The following SNAP91 variants were observed in gnomAD, a reference collection of about 807,000 sequenced individuals.
SNAP91 encodes the protein clathrin coat assembly protein AP180.
In SNAP91, 27 loss-of-function variants were observed where a neutral mutation model predicts 100.3. The ratio of observed to expected loss-of-function variants is 0.27; its 90% CI spans 0.20 to 0.37. SNAP91 has a LOEUF of 0.37. SNAP91 is among the 10% of genes least tolerant of loss of function. The pLI is 1.00. For synonymous variants in SNAP91, 404 were observed against 398.6 expected, an observed-to-expected ratio of 1.01 and a Z score of -0.16; for missense variants, 986 against 1,123.7, an observed-to-expected ratio of 0.88 and a Z score of 1.75.
At chr6:83,661,369 A>T in intron 5 of SNAP91, 133 bp downstream of exon 5, 1 of 547,366 alleles carries the variant, frequency 1.8e-6, no homozygotes, top group African/African-American at 1.9e-5. Context: ...AATATTATTG[A>T]GTTCCTTTTT....
At chr6:83,664,059 T>A (rs2098623927) in intron 3 of SNAP91, among the ~76,000 whole-genome samples, 1 of 152,038 alleles carries the variant, frequency 6.6e-6, no homozygotes, top group Non-Finnish European at 1.5e-5. Context: ...ATAGTATGGT[T>A]TACTGAATAT....
At chr6:83,587,496 AT>A (rs1303227009) in intron 22 of SNAP91, among the ~76,000 whole-genome samples, 1 of 151,186 alleles carries the variant, frequency 6.6e-6, no homozygotes, top group Non-Finnish European at 1.5e-5. Flanking sequence ...TCATTTATTT[AT>A]TTTTTTTTAA....
intron 9 of SNAP91, among the ~76,000 whole-genome samples, chr6:83,621,549 T>C (rs2096729534): frequency 6.6e-6 from 1 of 152,174 alleles, no homozygotes; most frequent in South Asian, 2.1e-4. Flanking sequence ...ATATAATGTT[T>C]CTGGGCTTCT....
intron 23 of SNAP91, 127 bp from the exon 24 acceptor site, chr6:83,580,726 G>C (rs1287976956): frequency 1.2e-6 from 1 of 844,960 alleles, no homozygotes; most frequent in Non-Finnish European, 1.8e-6. Context: ...AAGAAGGCAA[G>C]TAATTCACAC....
chr6:83,680,900 T>C (rs775111594), intron 2 of SNAP91, among the ~76,000 whole-genome samples: 6 of 152,124 alleles, frequency 3.9e-5, no homozygotes, highest in Non-Finnish European at 7.4e-5. Context: ...TGGGCTGCAG[T>C]AGGACCCCGG....
Position 83,659,107 on chromosome 6 carries a change from A to G in SNAP91, c.453-15T>C, listed in dbSNP as rs2098475112. On this transcript the variant is annotated splice_polypyrimidine_tract_variant and intron_variant, in intron 5 of 29. Transcript: ENST00000369694. Reference sequence around the variant, plus strand: ...CACCATCGGCCCTACAATTAAAAAAAAAAAAAAGGTACAATTTCATTGGAT... The same window carrying G: ...CACCATCGGCCCTACAATTAAAAAAGAAAAAAAGGTACAATTTCATTGGAT... The G allele has an allele frequency of 6.4e-7, 1 of 1,557,882 alleles. No homozygotes were observed. Among genetic ancestry groups the G allele is most frequent in the South Asian group, 1.2e-5 (1 of 84,200 alleles).
intron 10 of SNAP91, among the ~76,000 whole-genome samples, chr6:83,616,225 A>G (rs918090549): frequency 6.6e-6 from 1 of 152,180 alleles, no homozygotes; most frequent in Non-Finnish European, 1.5e-5. Context: ...AAGCAGGACA[A>G]GGAGGATGGG....
rs1583884000 is a variant in SNAP91, at chr6:83,560,999, A to C, written c.2443-52T>G. On this transcript the variant is annotated intron_variant, in intron 26 of 29. Transcript: ENST00000369694. ...ATAAATAACACAAAAACACACAAAC[A>C]CATGCACGACAATAAACAAACAAAA... 14 of 1,135,272 alleles carry C rather than the reference A, an allele frequency of 1.2e-5. No homozygotes were observed. The East Asian group carries it at 3.5e-4, about 28-fold the overall frequency. 70.3% of individuals were successfully genotyped at this position (1,135,272 alleles called of 1,614,324 possible). A position where few individuals can be genotyped will look rare whatever the true frequency, so the allele number is the denominator to read the frequency against.
At chr6:83,554,981 ATC>A (rs1775679909) in intron 29 of SNAP91, among the ~76,000 whole-genome samples, 1 of 152,100 alleles carries the variant, frequency 6.6e-6, no homozygotes, top group South Asian at 2.1e-4. Context: ...TCTCAAGCAT[ATC>A]TGTTTCCTGT....
chr6:83,642,273 T>C (rs1269138664), intron 7 of SNAP91, among the ~76,000 whole-genome samples: 1 of 152,186 alleles, frequency 6.6e-6, no homozygotes, highest in Non-Finnish European at 1.5e-5. Flanking sequence ...ATGTGCCATG[T>C]TGGTGTGCTG....
chr6:83,582,259 C>A lies in SNAP91; in HGVS notation c.2112G>T (p.Thr704=), dbSNP rs569210256. The change falls in exon 23 of 30, where the codon ACG becomes ACT. Residue 704 remains threonine, a synonymous_variant. Coordinates refer to ENST00000369694, the MANE Select transcript of SNAP91 (RefSeq NM_001242792.2). ...QPNFEAAFGT[T]PSTSSSSSFD... Reference sequence around the variant, plus strand: ...AGGAGCTGCTGCTGGAAGTTGAAGGCGTTGTCCCAAAAGCTGCCTCAAAAT... The same window carrying A: ...AGGAGCTGCTGCTGGAAGTTGAAGGAGTTGTCCCAAAAGCTGCCTCAAAAT... The A allele has an allele frequency of 2.2e-4, 362 of 1,613,478 alleles. 5 individuals carry two copies. In the South Asian group the frequency reaches 3.8e-3, roughly 17 times the overall value.
chr6:83,584,265 G>A (rs1832573943), intron 22 of SNAP91, among the ~76,000 whole-genome samples: 1 of 152,108 alleles, frequency 6.6e-6, no homozygotes, highest in Non-Finnish European at 1.5e-5. Context: ...TTAAAACTTG[G>A]CCATGGAAAG....
At chr6:83,559,200 T>G (rs1033421800) in intron 28 of SNAP91, among the ~76,000 whole-genome samples, 4 of 152,210 alleles carry the variant, frequency 2.6e-5, no homozygotes, top group African/African-American at 7.2e-5. Context: ...ATTTTAGGGC[T>G]GGGTCTTTGG....
chr6:83,650,351 A>G (rs981952889), intron 7 of SNAP91, among the ~76,000 whole-genome samples: 1 of 152,216 alleles, frequency 6.6e-6, no homozygotes, highest in Non-Finnish European at 1.5e-5. Context: ...ATGGTTCAGG[A>G]CATAATACAA....
intron 14 of SNAP91, among the ~76,000 whole-genome samples, chr6:83,604,547 T>C (rs1489306754): frequency 6.6e-6 from 1 of 152,152 alleles, no homozygotes; most frequent in Admixed American, 6.5e-5. Flanking sequence ...GATAGGACTT[T>C]TGATGTTATA....
intron 2 of SNAP91, among the ~76,000 whole-genome samples, chr6:83,694,239 T>C (rs2099166239): frequency 6.6e-6 from 1 of 152,196 alleles, no homozygotes; most frequent in Admixed American, 6.5e-5. Context: ...TTAATAGATT[T>C]CTTGCCAATG....
chr6:83,594,221 G>A (rs1445767840), intron 17 of SNAP91, among the ~76,000 whole-genome samples, 153 bp downstream of exon 17: 1 of 152,182 alleles, frequency 6.6e-6, no homozygotes, highest in Non-Finnish European at 1.5e-5. Context: ...TTGTCTTAAT[G>A]TTTTAAATGC....
chr6:83,567,556 A>G (rs972291831), intron 26 of SNAP91, among the ~76,000 whole-genome samples: 17 of 152,214 alleles, frequency 1.1e-4, no homozygotes, highest in Non-Finnish European at 2.5e-4. Context: ...CATGAGAGTG[A>G]ACAGGCAACC....
rs542053836 is a variant in SNAP91 at position 83,684,742 on chromosome 6, T to C, written c.131-19161A>G. On this transcript the variant is annotated intron_variant, in intron 2 of 29. Transcript: ENST00000369694. ...TTTTCCTTATCTTAAAAACCTGTAA[T>C]AGTTGCTCCAAGTCTTGGAGCTCTG... 2.0e-5 allele frequency among the ~76,000 whole-genome samples: 3 copies of C among 152,314 alleles called. No homozygotes were observed. The South Asian group carries it at 6.2e-4, about 32-fold the overall frequency.
Sources: allele counts gnomAD v4.1 joint callset (sites outside exome capture counted in the v4.1 genomes callset), GRCh38; gene constraint gnomAD v4.1.1; transcripts MANE v1.5; gene names NCBI Gene and HGNC (gene_info 2026-07-23, HGNC 2026-07-21).